Variants in CABP2 observed in about 807,000 individuals in gnomAD.
The protein encoded by CABP2 is calcium-binding protein 2.
A neutral mutation model predicts 28.6 loss-of-function variants in CABP2; 25 were observed. That is an observed-to-expected ratio of 0.87 (90% CI 0.64 to 1.22). The LOEUF is 1.22. Among genes scored for constraint, CABP2 ranks in the 50% most tolerant of loss-of-function variants. The pLI, the probability that CABP2 is intolerant of heterozygous loss-of-function variation, is 0.00. For missense variants in CABP2, 310 were observed against 312.2 expected (o/e 0.99, Z 0.05); for synonymous variants, 138 against 126.0 (o/e 1.09, Z -0.64).
In CABP2 at chr11:67,523,415, C is replaced by T. The variant is rs1866782756; in HGVS notation, c.-89G>A. 2.8e-6 allele frequency: 4 copies of T among 1,443,646 alleles called. No homozygotes were observed. Among genetic ancestry groups the T allele is most frequent in the Non-Finnish European group, 3.7e-6 (4 of 1,092,476 alleles). The allele number at this position is 1,443,646 out of a possible 1,614,324, so 89.4% of individuals were successfully genotyped here. ...GCTGCCTGAGGACTCCTGCCAGCCC[C>T]CAGCTGCTCCCGATGAGAGCCTGGG... is the stretch of plus-strand genomic sequence containing the variant. On this transcript the variant is annotated 5_prime_UTR_variant, in exon 1 of 7. Transcript: ENST00000294288.
Position 67,523,369 on chromosome 11 carries a change from G to T in CABP2, c.-43C>A. 6.5e-7 allele frequency: 1 copy of T among 1,530,270 alleles called. No individual in the cohort carries two copies. The highest frequency in any genetic ancestry group is 2.5e-5 in the East Asian group (1 of 39,376). 94.8% of individuals were successfully genotyped at this position (1,530,270 alleles called of 1,614,324 possible). On this transcript the variant is annotated 5_prime_UTR_variant, in exon 1 of 7. Coordinates refer to ENST00000294288, the MANE Select transcript of CABP2 (RefSeq NM_016366.3). ...AGGCCTGGAACCCCGGGGGTGGCCC[G>T]GGTGGGCCTCGGCGGATGCTGCTGC...
Position 67,523,344 on chromosome 11 carries a change from A to G in CABP2, c.-18T>C. On this transcript the variant is annotated 5_prime_UTR_variant, in exon 1 of 7. Transcript: ENST00000294288. ...TTCCCCATGGGCCCTGAACCATGCC[A>G]GGCCTGGAACCCCGGGGGTGGCCCG... 1.9e-6 allele frequency: 3 copies of G among 1,546,880 alleles called. No individual in the cohort carries two copies. The highest frequency in any genetic ancestry group is 3.8e-4 in the Middle Eastern group (2 of 5,204).
Position 67,518,926 on chromosome 11 carries a change from G to A in CABP2, c.*213C>T. 1.7e-6 allele frequency: 1 copy of A among 599,694 alleles called. No homozygotes were observed. Among genetic ancestry groups the A allele is most frequent in the South Asian group, 2.0e-5 (1 of 49,760 alleles). The allele number at this position is 599,694 out of a possible 1,614,324, so 37.1% of individuals were successfully genotyped here. A position where few individuals can be genotyped will look rare whatever the true frequency, so the allele number is the denominator to read the frequency against. On this transcript the variant is annotated 3_prime_UTR_variant, in exon 7 of 7. Transcript: ENST00000294288. ...GGCAAAAGCCATCTCCCCAGGCTTG[G>A]AGATATTTTATTGTCAGAGAGACAG... is the stretch of plus-strand genomic sequence containing the variant.
chr11:67,520,016 G>T, intron 5 of CABP2, 35 bp downstream of exon 5: 1 of 1,603,180 alleles, frequency 6.2e-7, no homozygotes, highest in Non-Finnish European at 8.5e-7. Flanking sequence ...CGGCAGACAC[G>T]CAGCCCTGCC....
At position 67,519,157 on chromosome 11, in the gene CABP2, C is replaced by A; in HGVS notation, c.645G>T (p.Val215=). The A allele has an allele frequency of 6.2e-7, 1 of 1,614,012 alleles. No individual in the cohort carries two copies. Among genetic ancestry groups the A allele is most frequent in the Non-Finnish European group, 8.5e-7 (1 of 1,180,022 alleles). ...TACAGGCTCACCGAGACATCATTCGCACAAACTCTGCCAGGACGAAGCCAA... is the reference window on the plus strand; with the variant it reads ...TACAGGCTCACCGAGACATCATTCGAACAAACTCTGCCAGGACGAAGCCAA... ...GDGLVDFEEF[V]RMMSR The change falls in exon 7 of 7, where the codon GTG becomes GTT. Residue 215 remains valine, a synonymous_variant. Transcript: ENST00000294288.
Position 67,519,794 on chromosome 11 carries a change from T to G in CABP2, c.636A>C (p.Glu212Asp), listed in dbSNP as rs1168280682. Residue 212 changes from glutamate (E) to aspartate (D), a missense_variant and splice_region_variant, in exon 6 of 7, where the codon GAA becomes GAC. By Grantham distance (45) the Glu-to-Asp change is conservative. Transcript: ENST00000294288. ...DLNGDGLVDF[E>D]EFVRMMSR Reference sequence around the variant, plus strand: ...GTTGCTATGTGCGGCAGGGGGTACCTTCGAAGTCGACCAGACCGTCCCCAT... The same window carrying G: ...GTTGCTATGTGCGGCAGGGGGTACCGTCGAAGTCGACCAGACCGTCCCCAT... The G allele has an allele frequency of 6.2e-7, 1 of 1,613,766 alleles. No homozygotes were observed. The highest frequency in any genetic ancestry group is 8.5e-7 in the Non-Finnish European group (1 of 1,179,758).
chr11:67,521,346 T>C (rs1289935308), intron 3 of CABP2, among the ~76,000 whole-genome samples, 187 bp from the exon 4 acceptor site: 1 of 152,218 alleles, frequency 6.6e-6, no homozygotes, highest in Non-Finnish European at 1.5e-5. Context: ...GAGCATCTAC[T>C]ATGTGCCAAG....
In CABP2 at chr11:67,522,445, G is replaced by A. The variant is rs1866760299; in HGVS notation, c.213+101C>T. 12 of 1,271,592 alleles carry A rather than the reference G, an allele frequency of 9.4e-6. No homozygotes were observed. In the Admixed American group the frequency reaches 2.2e-4, roughly 24 times the overall value. The allele number at this position is 1,271,592 out of a possible 1,614,324, so 78.8% of individuals were successfully genotyped here. A position where few individuals can be genotyped will look rare whatever the true frequency, so the allele number is the denominator to read the frequency against. On this transcript the variant is annotated intron_variant, in intron 2 of 6. Coordinates refer to ENST00000294288, the MANE Select transcript of CABP2 (RefSeq NM_016366.3). ...CCTAGCTCCAGGAGAGGCAAAGCGA[G>A]GGGCAAGGGTAGGTGGGCTGGAGTG...
Position 67,522,035 on chromosome 11 carries a change from C to T in CABP2, c.214-53G>A, listed in dbSNP as rs995591399. On this transcript the variant is annotated intron_variant, in intron 2 of 6. Transcript: ENST00000294288. ...CCCTGCTCCTACTGATGACTGTGCC[C>T]TTCCTTCTTGCTTCCCGGGGCTCCC... 5 of 1,561,082 alleles carry T rather than the reference C, an allele frequency of 3.2e-6. No homozygotes were observed. The Admixed American group carries it at 7.0e-5, about 22-fold the overall frequency.
rs980442463 is a variant in CABP2 at position 67,523,427 on chromosome 11, G to A, written c.-101C>T. ...CTCCTGCCAGCCCCCAGCTGCTCCCGATGAGAGCCTGGGAGTACTGCCGGG... is the reference window on the plus strand; with the variant it reads ...CTCCTGCCAGCCCCCAGCTGCTCCCAATGAGAGCCTGGGAGTACTGCCGGG... On this transcript the variant is annotated 5_prime_UTR_variant, in exon 1 of 7. Transcript: ENST00000294288. 47 of 1,245,626 alleles carry A rather than the reference G, an allele frequency of 3.8e-5. No individual in the cohort carries two copies. In the South Asian group the frequency reaches 4.6e-4, roughly 12 times the overall value. The allele number at this position is 1,245,626 out of a possible 1,614,324, so 77.2% of individuals were successfully genotyped here. A position where few individuals can be genotyped will look rare whatever the true frequency, so the allele number is the denominator to read the frequency against.
chr11:67,522,004 G>A (rs369309124), intron 2 of CABP2, 22 bp from the exon 3 acceptor site: 5 of 1,609,112 alleles, frequency 3.1e-6, no homozygotes, highest in Non-Finnish European at 4.2e-6. Context: ...AGAGGGGTTA[G>A]GAATTCCCTG....
At chr11:67,522,329 C>T (rs183033158) in intron 2 of CABP2, among the ~76,000 whole-genome samples, 4 of 152,278 alleles carry the variant, frequency 2.6e-5, no homozygotes, top group African/African-American at 7.2e-5. Flanking sequence ...ATCTCTCTTC[C>T]ATTTCTAGAG....
At chr11:67,523,194 G>A (rs185682284) in intron 1 of CABP2, 91 bp downstream of exon 1, 14 of 766,636 alleles carry the variant, frequency 1.8e-5, no homozygotes, top group Admixed American at 1.2e-4. Flanking sequence ...CCCCAACCCC[G>A]CCCGGCCCTC....
chr11:67,522,730 G>A lies in CABP2; in HGVS notation c.43-14C>T, dbSNP rs1162691289. The A allele has an allele frequency of 1.4e-5, 20 of 1,468,348 alleles. No homozygotes were observed. The highest frequency in any genetic ancestry group is 2.8e-5 in the African/African-American group (2 of 71,020). 91.0% of individuals were successfully genotyped at this position (1,468,348 alleles called of 1,614,324 possible). A position where few individuals can be genotyped will look rare whatever the true frequency, so the allele number is the denominator to read the frequency against. ...CTGCAAGGGGTCCTGCAGCAGAGCC[G>A]GCCGTGAGCTGGGGCAGTGGCCGCT... On this transcript the variant is annotated splice_polypyrimidine_tract_variant and intron_variant, in intron 1 of 6. Coordinates refer to ENST00000294288, the MANE Select transcript of CABP2 (RefSeq NM_016366.3).
rs1866726454 is a variant in CABP2 at position 67,520,150 on chromosome 11, C to T, written c.390G>A (p.Lys130=). The part of the protein sequence containing the change: ...IEISQQISGG[K]VDFEDFVELM... Reference sequence around the variant, plus strand: ...GCTCCACGAAGTCTTCAAAGTCCACCTTTCCGCCACCTGGGGGTCCCGTCC... The same window carrying T: ...GCTCCACGAAGTCTTCAAAGTCCACTTTTCCGCCACCTGGGGGTCCCGTCC... The change falls in exon 5 of 7, where the codon AAG becomes AAA. Residue 130 remains lysine, a synonymous_variant. Transcript: ENST00000294288. 1 of 1,613,040 alleles carries T rather than the reference C, an allele frequency of 6.2e-7. No homozygotes were observed. The highest frequency in any genetic ancestry group is 8.5e-7 in the Non-Finnish European group (1 of 1,179,142).
chr11:67,520,861 C>T lies in CABP2; in HGVS notation c.379+164G>A, dbSNP rs138888900. On this transcript the variant is annotated intron_variant, in intron 4 of 6. Transcript: ENST00000294288. Reference sequence around the variant, plus strand: ...CCTTGCTGTGCCCACCTCCTAGAAGCTGGTGAGATTCTCCAGAGGCAGAGA... The same window carrying T: ...CCTTGCTGTGCCCACCTCCTAGAAGTTGGTGAGATTCTCCAGAGGCAGAGA... 1.4e-4 allele frequency among the ~76,000 whole-genome samples: 22 copies of T among 152,342 alleles called. No homozygotes were observed. The East Asian group carries it at 4.2e-3, about 29-fold the overall frequency.
chr11:67,520,978 G>T (rs764113074), intron 4 of CABP2, 47 bp downstream of exon 4: 4 of 1,594,640 alleles, frequency 2.5e-6, no homozygotes, highest in Admixed American at 1.7e-5. Context: ...TGGGCCCAGC[G>T]GGGGCATCTG....
Position 67,522,670 on chromosome 11 carries a change from C to A in CABP2, c.89G>T (p.Ser30Ile). The A allele has an allele frequency of 6.5e-7, 1 of 1,534,844 alleles. No individual in the cohort carries two copies. Among genetic ancestry groups the A allele is most frequent in the Admixed American group, 2.0e-5 (1 of 50,042 alleles). ...LGSPPRGSCPSPSSSPKEQGD... is the reference protein window; with the variant it reads ...LGSPPRGSCPIPSSSPKEQGD... ...CTGCTCCTTGGGGCTGGAGCTGGGG[C>A]TGGGGCAGGAGCCCCTTGGTGGGGA... Residue 30 changes from serine to isoleucine, a missense_variant, in exon 2 of 7, where the codon AGC becomes ATC. Coordinates refer to ENST00000294288, the MANE Select transcript of CABP2 (RefSeq NM_016366.3).
Position 67,519,826 on chromosome 11 carries a change from C to A in CABP2, c.604G>T (p.Asp202Tyr), listed in dbSNP as rs1406038067. 6.2e-7 allele frequency: 1 copy of A among 1,614,126 alleles called. No homozygotes were observed. The highest frequency in any genetic ancestry group is 1.7e-5 in the Admixed American group (1 of 60,026). The change falls in exon 6 of 7, where the codon GAC becomes TAC. Residue 202 changes from aspartate to tyrosine, a missense_variant. Physicochemically the swap from Asp to Tyr is radical, Grantham distance 160 (BLOSUM62 -3). Coordinates refer to ENST00000294288, the MANE Select transcript of CABP2 (RefSeq NM_016366.3). The stretch of plus-strand genomic sequence containing the variant: ...TCGACCAGACCGTCCCCATTGAGGT[C>A]CACGTCCTGGAGGATCTCGTCCACC... ...REVDEILQDV[D>Y]LNGDGLVDFE...
Sources: gnomAD v4.1 joint callset for allele counts (sites outside exome capture counted in the v4.1 genomes callset) on GRCh38, gnomAD v4.1.1 for gene constraint, MANE v1.5 for transcripts, NCBI Gene and HGNC (gene_info 2026-07-23, HGNC 2026-07-21) for gene names.